The following ABL1 variants were observed in gnomAD, a reference collection of about 807,000 sequenced individuals.
ABL1 encodes the protein tyrosine-protein kinase ABL1.
A neutral mutation model predicts 94.7 loss-of-function variants in ABL1; 11 were observed. The ratio of observed to expected loss-of-function variants is 0.12; its 90% confidence interval spans 0.07 to 0.19. The LOEUF (loss-of-function observed/expected upper bound fraction) is 0.19, where lower values mean the gene tolerates loss of function less well. ABL1 is among the 10% of genes least tolerant of loss of function. The probability of loss-of-function intolerance (pLI) is 1.00; values close to 1 mark genes in which losing one functional copy is unlikely to be tolerated. For missense variants in ABL1, 1,082 were observed against 1,489.4 expected, an observed-to-expected ratio of 0.73 and a Z score of 4.50; for synonymous variants, 656 against 622.4, an observed-to-expected ratio of 1.05 and a Z score of -0.80.
chr9:130,774,042 A>G (rs1467262488), intron 1 of ABL1, among the ~76,000 whole-genome samples: 1 of 152,120 alleles, frequency 6.6e-6, no homozygotes, highest in Non-Finnish European at 1.5e-5. Flanking sequence ...ACAGTCATAT[A>G]CTATGTACTC....
chr9:130,813,175 A>G (rs1830233271), intron 1 of ABL1, among the ~76,000 whole-genome samples: 1 of 151,656 alleles, frequency 6.6e-6, no homozygotes, highest in South Asian at 2.1e-4. Flanking sequence ...AGATTGCACT[A>G]CTGCACTCCA....
At chr9:130,844,207 C>G (rs35301161) in intron 1 of ABL1, among the ~76,000 whole-genome samples, 2 of 152,014 alleles carry the variant, frequency 1.3e-5, no homozygotes, top group Non-Finnish European at 1.5e-5. Context: ...GAAAGATGGC[C>G]CTGATAGTAG....
chr9:130,759,917 C>T (rs1189770113), intron 1 of ABL1, among the ~76,000 whole-genome samples: 1 of 151,132 alleles, frequency 6.6e-6, no homozygotes, highest in East Asian at 2.0e-4. Flanking sequence ...CTCAGCCTCT[C>T]AACTAGCTGG....
At chr9:130,800,689 A>AT (rs545512798) in intron 1 of ABL1, among the ~76,000 whole-genome samples, 31 of 151,978 alleles carry the variant, frequency 2.0e-4, no homozygotes, top group African/African-American at 7.2e-4. Flanking sequence ...TCTTAGCATC[A>AT]TTTTTTTGAG....
chr9:130,848,430 A>G (rs533308459), intron 1 of ABL1, among the ~76,000 whole-genome samples: 2 of 151,340 alleles, frequency 1.3e-5, no homozygotes, highest in Admixed American at 1.3e-4. Context: ...AGGCAGGAGA[A>G]TCACGTGAAC....
At chr9:130,776,316 C>T (rs1029164775) in intron 1 of ABL1, among the ~76,000 whole-genome samples, 2 of 152,198 alleles carry the variant, frequency 1.3e-5, no homozygotes, top group African/African-American at 4.8e-5. Flanking sequence ...TGTGGTGAGG[C>T]TGGGCGCGGT....
At chr9:130,815,986 C>G (rs1226583629) in intron 1 of ABL1, among the ~76,000 whole-genome samples, 1 of 152,162 alleles carries the variant, frequency 6.6e-6, no homozygotes, top group Non-Finnish European at 1.5e-5. Context: ...CCACTGCACT[C>G]CAGCCTGGGC....
chr9:130,790,901 G>C (rs1018533277), intron 1 of ABL1, among the ~76,000 whole-genome samples: 2 of 152,162 alleles, frequency 1.3e-5, no homozygotes, highest in African/African-American at 4.8e-5. Flanking sequence ...ACTCAGGGTG[G>C]GTGCATCTCC....
At chr9:130,714,061 A>G (rs888806844) in exon 1 of ABL1, 10 of 368,312 alleles carry the variant, frequency 2.7e-5, no homozygotes, top group Admixed American at 4.4e-5. Context: ...AAAACAAATC[A>G]AGAAACTTTT....
chr9:130,771,623 T>TTTTA (rs1234053607), intron 1 of ABL1, among the ~76,000 whole-genome samples: 2 of 152,078 alleles, frequency 1.3e-5, no homozygotes, highest in Non-Finnish European at 2.9e-5. Flanking sequence ...AAGCTGATGT[T>TTTTA]TTTATTTATT....
intron 1 of ABL1, among the ~76,000 whole-genome samples, chr9:130,813,561 C>CAAAA (rs57194587): frequency 0.021 from 1,223 of 57,690 alleles, no homozygotes; most frequent in Non-Finnish European, 0.028. Context: ...ACTCCATCTC[C>CAAAA]AAAAAAAAAA....
Position 130,760,943 on chromosome 9 carries a change from C to CTT in ABL1, c.136+46509_136+46510dup, listed in dbSNP as rs35842480. Among the ~76,000 whole-genome samples the CTT allele has an allele frequency of 5.7e-3, 488 of 85,238 alleles. 1 individual carries two copies. Among genetic ancestry groups the CTT allele is most frequent in the Middle Eastern group, 8.1e-3 (1 of 124 alleles). 55.9% of individuals were successfully genotyped at this position (85,238 alleles called of 152,430 possible). ...AGTGCTATTTCCTCCCCCGCCCCTG[C>CTT]TTTTTTTTTTTTTTTTTTTTTTGAG... On this transcript the variant is annotated intron_variant, in intron 1 of 10. Transcript: ENST00000372348.
chr9:130,864,187 T>C (rs1831119703), intron 4 of ABL1, among the ~76,000 whole-genome samples: 1 of 152,210 alleles, frequency 6.6e-6, no homozygotes, highest in African/African-American at 2.4e-5. Context: ...GGACTGGCAC[T>C]GGGGTGGGGG....
chr9:130,882,997 C>T (rs910486000), intron 10 of ABL1, among the ~76,000 whole-genome samples: 2 of 152,062 alleles, frequency 1.3e-5, no homozygotes, highest in Middle Eastern at 3.4e-3. Flanking sequence ...GGGCTGCCCC[C>T]ACCCCATGCT....
rs1424894220 is a variant in ABL1 at position 130,885,038 on chromosome 9, G to A, written c.2748G>A (p.Gln916=). Residue 916 remains glutamine (Q), a synonymous_variant, in exon 11 of 11, where the codon CAG becomes CAA. Transcript: ENST00000318560. ...SAGKAGGKPS[Q]SPSQEAAGEA... is the part of the protein sequence containing the mutation. ...GGAAGGCTGGAGGAAAGCCCTCGCAGAGCCCGAGCCAGGAGGCGGCCGGGG... is the reference window on the plus strand; with the variant it reads ...GGAAGGCTGGAGGAAAGCCCTCGCAAAGCCCGAGCCAGGAGGCGGCCGGGG... 1 of 1,610,734 alleles carries A rather than the reference G, an allele frequency of 6.2e-7. No homozygotes were observed. Among genetic ancestry groups the A allele is most frequent in the Admixed American group, 1.7e-5 (1 of 59,784 alleles).
At chr9:130,801,240 C>CT (rs1425215601) in intron 1 of ABL1, among the ~76,000 whole-genome samples, 1 of 149,274 alleles carries the variant, frequency 6.7e-6, no homozygotes, top group African/African-American at 2.5e-5. Context: ...TTTTTCCTTT[C>CT]TTTTTTTGAG....
chr9:130,778,231 C>A lies in ABL1; in HGVS notation c.136+63776C>A, dbSNP rs531163476. On this transcript the variant is annotated intron_variant, in intron 1 of 10. Coordinates refer to the ABL1 transcript ENST00000372348. ...AGGGCTTTGTGTTGGGACACTGACT[C>A]ACTGCATTAGTACTTTCTAGACTGT... 8.0e-3 allele frequency among the ~76,000 whole-genome samples: 1,076 copies of A among 134,014 alleles called. 13 individuals are homozygous for A. The highest frequency in any genetic ancestry group is 0.03 in the African/African-American group (1,006 of 33,956). The allele number at this position is 134,014 out of a possible 152,430, so 87.9% of individuals were successfully genotyped here.
chr9:130,788,377 T>C (rs4504690), intron 1 of ABL1, among the ~76,000 whole-genome samples: 37,137 of 152,098 alleles, frequency 0.24, 6,000 homozygotes, highest in African/African-American at 0.47. Context: ...TCGGAATCAT[T>C]TGGGAGTAGG....
intron 1 of ABL1, among the ~76,000 whole-genome samples, chr9:130,839,058 T>C (rs1830630330): frequency 6.6e-6 from 1 of 151,952 alleles, no homozygotes; most frequent in African/African-American, 2.4e-5. Context: ...TGCAGGCATA[T>C]GCTACCTGAC....
Sources: gnomAD v4.1 joint callset for allele counts (sites outside exome capture counted in the v4.1 genomes callset) on GRCh38, gnomAD v4.1.1 for gene constraint, MANE v1.5 for transcripts, NCBI Gene and HGNC (gene_info 2026-07-23, HGNC 2026-07-21) for gene names.